Variants in DNAAF2 observed in about 807,000 individuals in gnomAD.
DNAAF2 encodes the protein protein kintoun.
A neutral mutation model predicts 48.8 loss-of-function variants in DNAAF2; 58 were observed. The observed-to-expected ratio is 1.19, with a 90% confidence interval of 0.96 to 1.48. The LOEUF is 1.48. Ranked by LOEUF, DNAAF2 falls within the 40% of genes most tolerant of loss-of-function variation. The pLI is 0.00. For missense variants in DNAAF2, 1,241 were observed against 1,116.1 expected (o/e 1.11, Z -1.59); for synonymous variants, 567 against 481.2 (o/e 1.18, Z -2.33).
In DNAAF2 at chr14:49,634,942, C is replaced by A. The variant is rs906587547; in HGVS notation, c.208G>T (p.Val70Leu). ...ERERGVEVRF[V>L]HPEPGHVLRT... Reference sequence around the variant, plus strand: ...AGCACATGGCCGGGCTCCGGGTGCACGAACCGCACTTCCACCCCGCGCTCA... The same window carrying A: ...AGCACATGGCCGGGCTCCGGGTGCAAGAACCGCACTTCCACCCCGCGCTCA... The change falls in exon 1 of 3, where the codon GTG (valine) becomes TTG (leucine). Residue 70 changes from valine to leucine, a missense_variant. Val to Leu is a conservative substitution (Grantham distance 32). Coordinates refer to ENST00000298292, the MANE Select transcript of DNAAF2 (RefSeq NM_018139.3). The A allele has an allele frequency of 3.9e-6, 6 of 1,556,250 alleles. No homozygotes were observed. In the African/African-American group the frequency reaches 8.2e-5, roughly 21 times the overall value.
In DNAAF2 at chr14:49,634,477, G is replaced by A. The variant is rs752558578; in HGVS notation, c.673C>T (p.Pro225Ser). The change falls in exon 1 of 3, where the codon CCC becomes TCC. Residue 225 changes from proline (P) to serine (S), a missense_variant. Transcript: ENST00000298292. ...GEPKGPLPDF[P>S]YPYQYPAAPG... ...GCTGCCGGGTACTGGTAAGGGTAGG[G>A]GAAGTCCGGGAGAGGACCCTTCGGC... The A allele has an allele frequency of 8.2e-6, 13 of 1,581,320 alleles. 1 individual carries two copies. The highest frequency in any genetic ancestry group is 1.3e-5 in the African/African-American group (1 of 74,500).
intron 1 of DNAAF2, among the ~76,000 whole-genome samples, chr14:49,630,700 CATAAACTCTCT>C (rs771766046): frequency 5.0e-4 from 51 of 102,932 alleles, no homozygotes; most frequent in Admixed American, 5.9e-4. Flanking sequence ...CACACACACA[CATAAACTCTCT>C]ACACACACAC....
At chr14:49,628,289 T>A (rs146780717) in intron 1 of DNAAF2, 134 bp from the exon 2 acceptor site, 75 of 771,390 alleles carry the variant, frequency 9.7e-5, no homozygotes, top group African/African-American at 8.6e-4. Flanking sequence ...ATGTTATTCC[T>A]ATGAGCTGTC....
chr14:49,634,786 G>A lies in DNAAF2; in HGVS notation c.364C>T (p.Pro122Ser). 2 of 1,576,270 alleles carry A rather than the reference G, an allele frequency of 1.3e-6. No individual in the cohort carries two copies. The highest frequency in any genetic ancestry group is 1.7e-6 in the Non-Finnish European group (2 of 1,164,964). ...GAAPGSHWSLPYSLAPGREYA... is the reference protein window; with the variant it reads ...GAAPGSHWSLSYSLAPGREYA... The stretch of plus-strand genomic sequence containing the variant: ...TCGCGGCCGGGCGCCAGGCTGTAGG[G>A]CAGGGACCAGTGGCTGCCAGGAGCT... Residue 122 changes from proline to serine, a missense_variant, in exon 1 of 3, where the codon CCC becomes TCC. Coordinates refer to ENST00000298292, the MANE Select transcript of DNAAF2 (RefSeq NM_018139.3).
Position 49,633,940 on chromosome 14 carries a change from C to G in DNAAF2, c.1210G>C (p.Val404Leu). The part of the protein sequence containing the change: ...RAEDGGHDTC[V>L]AGAAGSGVTT... ...ACCCCGGAGCCCGCAGCCCCAGCCA[C>G]GCAGGTATCGTGGCCTCCGTCCTCC... Residue 404 changes from valine to leucine, a missense_variant, in exon 1 of 3, where the codon GTG becomes CTG. By Grantham distance (32) the Val-to-Leu change is conservative (BLOSUM62 1). Coordinates refer to ENST00000298292, the MANE Select transcript of DNAAF2 (RefSeq NM_018139.3). 6.5e-7 allele frequency: 1 copy of G among 1,531,308 alleles called. No homozygotes were observed. Among genetic ancestry groups the G allele is most frequent in the Admixed American group, 2.0e-5 (1 of 50,568 alleles). The allele number at this position is 1,531,308 out of a possible 1,614,324, so 94.9% of individuals were successfully genotyped here. A position where few individuals can be genotyped will look rare whatever the true frequency, so the allele number is the denominator to read the frequency against.
intron 2 of DNAAF2, among the ~76,000 whole-genome samples, chr14:49,627,691 TA>T: frequency 6.6e-6 from 1 of 152,054 alleles, no homozygotes; most frequent in Admixed American, 6.5e-5. Context: ...CAATCTCTAC[TA>T]AAAATACAAA....
At chr14:49,626,566 G>A (rs1347854508) in intron 2 of DNAAF2, among the ~76,000 whole-genome samples, 1 of 152,078 alleles carries the variant, frequency 6.6e-6, no homozygotes, top group Non-Finnish European at 1.5e-5. Flanking sequence ...CGCCCAGGCT[G>A]GCACAATCTC....
chr14:49,628,718 G>C (rs1434567209), intron 1 of DNAAF2, among the ~76,000 whole-genome samples: 1 of 152,184 alleles, frequency 6.6e-6, no homozygotes, highest in African/African-American at 2.4e-5. Flanking sequence ...GCCTCCCAAA[G>C]GGCTGGGATT....
Position 49,625,987 on chromosome 14 carries a change from C to G in DNAAF2, c.2069G>C (p.Ser690Thr). 2 of 1,595,282 alleles carry G rather than the reference C, an allele frequency of 1.3e-6. No homozygotes were observed. Among genetic ancestry groups the G allele is most frequent in the Non-Finnish European group, 1.7e-6 (2 of 1,173,266 alleles). ...TATATATTCCTTTTCAGTTAGATGACTTTCTTCATTTACTCTTTCCTCCTT... is the reference window on the plus strand; with the variant it reads ...TATATATTCCTTTTCAGTTAGATGAGTTTCTTCATTTACTCTTTCCTCCTT... ...QGKEERVNEE[S>T]HLTEKEYIEH... The change falls in exon 3 of 3, where the codon AGT (serine) becomes ACT (threonine). Residue 690 changes from serine to threonine, a missense_variant. Transcript: ENST00000298292.
chr14:49,633,576 A>G lies in DNAAF2; in HGVS notation c.1574T>C (p.Leu525Ser), dbSNP rs750991792. The change falls in exon 1 of 3, where the codon TTA becomes TCA. Residue 525 changes from leucine (L) to serine (S), a missense_variant. By Grantham distance (145) the Leu-to-Ser change is moderately radical. Coordinates refer to ENST00000298292, the MANE Select transcript of DNAAF2 (RefSeq NM_018139.3). ...TKSGEPLCPP[L>S]LCNQDKETLT... is the part of the protein sequence containing the mutation. ...GGTTTCTTTGTCCTGATTACACAGTAACGGAGGACACAAAGGCTCCCCGCT... is the reference window on the plus strand; with the variant it reads ...GGTTTCTTTGTCCTGATTACACAGTGACGGAGGACACAAAGGCTCCCCGCT... 1.2e-6 allele frequency: 2 copies of G among 1,613,878 alleles called. No homozygotes were observed. The highest frequency in any genetic ancestry group is 2.7e-5 in the African/African-American group (2 of 74,942).
chr14:49,633,863 C>T lies in DNAAF2; in HGVS notation c.1287G>A (p.Glu429=). 6 of 1,547,290 alleles carry T rather than the reference C, an allele frequency of 3.9e-6. No homozygotes were observed. The highest frequency in any genetic ancestry group is 5.2e-6 in the Non-Finnish European group (6 of 1,153,686). The change falls in exon 1 of 3, where the codon GAG becomes GAA. Residue 429 remains glutamate, a synonymous_variant. Transcript: ENST00000298292. The part of the protein sequence containing the change: ...EVAPPPAAAG[E]ERVPKPGEQD... ...GCTCCCCCGGCTTGGGGACACGCTC[C>T]TCTCCAGCTGCGGCCGGCGGAGGCG...
At position 49,633,977 on chromosome 14, in the gene DNAAF2, C is replaced by A; in HGVS notation, c.1173G>T (p.Ala391=). The part of the protein sequence containing the change: ...ASAREGEAGP[A]RSRAEDGGHD... ...GGCCTCCGTCCTCCGCGCGACTCCT[C>A]GCGGGTCCCGCCTCCCCCTCGCGAG... The change falls in exon 1 of 3, where the codon GCG becomes GCT. Residue 391 remains alanine (A), a synonymous_variant. Coordinates refer to ENST00000298292, the MANE Select transcript of DNAAF2 (RefSeq NM_018139.3). 6.6e-7 allele frequency: 1 copy of A among 1,525,590 alleles called. No homozygotes were observed. Among genetic ancestry groups the A allele is most frequent in the Non-Finnish European group, 8.8e-7 (1 of 1,142,746 alleles). 94.5% of individuals were successfully genotyped at this position (1,525,590 alleles called of 1,614,324 possible).
In DNAAF2 at chr14:49,634,332, T is replaced by A. The variant is rs1380304913; in HGVS notation, c.818A>T (p.Asp273Val). The change falls in exon 1 of 3, where the codon GAC (aspartate) becomes GTC (valine). Residue 273 changes from aspartate (D) to valine (V), a missense_variant. Physicochemically the swap from Asp to Val is radical, Grantham distance 152. Coordinates refer to ENST00000298292, the MANE Select transcript of DNAAF2 (RefSeq NM_018139.3). The part of the protein sequence containing the change: ...VDLQDYRCSR[D>V]SAPSPVPHEL... ...ATGGGGCACGGGGCTCGGGGCTGAG[T>A]CCCTGGAGCAGCGGTAATCCTGGAG... is the stretch of plus-strand genomic sequence containing the variant. The A allele has an allele frequency of 6.2e-7, 1 of 1,611,044 alleles. No homozygotes were observed. Among genetic ancestry groups the A allele is most frequent in the African/African-American group, 1.3e-5 (1 of 74,788 alleles).
At chr14:49,626,553 T>G (rs1344191655) in intron 2 of DNAAF2, among the ~76,000 whole-genome samples, 2 of 152,252 alleles carry the variant, frequency 1.3e-5, no homozygotes, top group East Asian at 3.9e-4. Flanking sequence ...AGTCTTGCTC[T>G]GTCGCCCAGG....
chr14:49,630,246 T>TA (rs1426257642), intron 1 of DNAAF2, among the ~76,000 whole-genome samples: 1 of 150,952 alleles, frequency 6.6e-6, no homozygotes, highest in East Asian at 1.9e-4. Context: ...AATAAATAAA[T>TA]AAATAAATAA....
intron 1 of DNAAF2, among the ~76,000 whole-genome samples, chr14:49,630,669 C>CCACACACA (rs71441237): frequency 0.053 from 7,075 of 132,456 alleles, 203 homozygotes; most frequent in Non-Finnish European, 0.063. Context: ...AACTCTCTCT[C>CCACACACA]CACACACACA....
intron 1 of DNAAF2, chr14:49,629,201 GA>G (rs1883088948): frequency 6.6e-6 from 1 of 152,052 alleles, no homozygotes; most frequent in Non-Finnish European, 1.5e-5. Context: ...GCACTCAAGT[GA>G]TCCACCTGCT....
intron 1 of DNAAF2, among the ~76,000 whole-genome samples, chr14:49,630,298 T>C (rs1883119455): frequency 6.6e-6 from 1 of 152,084 alleles, no homozygotes; most frequent in African/African-American, 2.4e-5. Flanking sequence ...AAAAGATTTC[T>C]AAACTATTAC....
chr14:49,633,817 C>T lies in DNAAF2; in HGVS notation c.1333G>A (p.Gly445Arg). Residue 445 changes from glycine (G) to arginine (R), a missense_variant, in exon 1 of 3, where the codon GGG becomes AGG. Coordinates refer to ENST00000298292, the MANE Select transcript of DNAAF2 (RefSeq NM_018139.3). ...TCCTCCACGCTGCCCGGCGGTGACC[C>T]CGCGTGCCTGCTCAAGTCCTGCTCC... is the stretch of plus-strand genomic sequence containing the variant. ...PGEQDLSRHA[G>R]SPPGSVEEPS... 1 of 1,585,200 alleles carries T rather than the reference C, an allele frequency of 6.3e-7. No homozygotes were observed. The highest frequency in any genetic ancestry group is 2.3e-5 in the East Asian group (1 of 44,132).
Sources: gnomAD v4.1 joint callset for allele counts (sites outside exome capture counted in the v4.1 genomes callset) on GRCh38, gnomAD v4.1.1 for gene constraint, MANE v1.5 for transcripts, NCBI Gene and HGNC (gene_info 2026-07-23, HGNC 2026-07-21) for gene names.